IL15: variants seen among roughly 807,000 people sequenced by gnomAD.
The protein encoded by IL15 is interleukin-15.
A neutral mutation model predicts 19.6 loss-of-function variants in IL15; 11 were observed. That is an observed-to-expected ratio of 0.56 (90% CI 0.35 to 0.93). IL15 has a LOEUF of 0.93. Ranked by LOEUF, IL15 falls within the 40% of genes least tolerant of loss-of-function variation. The pLI, the probability that IL15 is intolerant of heterozygous loss-of-function variation, is 0.01. For synonymous variants in IL15, 58 were observed against 59.6 expected (o/e 0.97, Z 0.12); for missense variants, 197 against 186.5 (o/e 1.06, Z -0.33).
At chr4:141,708,013 T>G (rs1729582405) in intron 2 of IL15, among the ~76,000 whole-genome samples, 1 of 152,134 alleles carries the variant, frequency 6.6e-6, no homozygotes, top group African/African-American at 2.4e-5. Context: ...TCGGGCTGCA[T>G]GTGAATGTTT....
chr4:141,662,839 G>A (rs1341999970), intron 2 of IL15, among the ~76,000 whole-genome samples: 1 of 151,902 alleles, frequency 6.6e-6, no homozygotes, highest in Admixed American at 6.6e-5. Flanking sequence ...AGAGATAATT[G>A]CAGTTTGATT....
chr4:141,693,046 A>G (rs3113912), intron 2 of IL15, among the ~76,000 whole-genome samples: 15 of 148,882 alleles, frequency 1.0e-4, no homozygotes, highest in Non-Finnish European at 7.4e-5. Flanking sequence ...AAAAAAAGAT[A>G]CTACCTGTGG....
intron 2 of IL15, among the ~76,000 whole-genome samples, chr4:141,659,289 G>A (rs1407951414): frequency 6.6e-6 from 1 of 150,694 alleles, no homozygotes; most frequent in Non-Finnish European, 1.5e-5. Flanking sequence ...TGCAACCTTT[G>A]CCCCTTGGGT....
intron 7 of IL15, 52 bp from the exon 8 acceptor site, chr4:141,732,686 A>G (rs1408728322): frequency 1.9e-6 from 3 of 1,591,970 alleles, no homozygotes; most frequent in Non-Finnish European, 2.6e-6. Context: ...CCATGAATGT[A>G]TATTTAATTT....
chr4:141,647,420 T>C (rs1170280312), intron 1 of IL15, among the ~76,000 whole-genome samples: 1 of 152,028 alleles, frequency 6.6e-6, no homozygotes, highest in Non-Finnish European at 1.5e-5. Context: ...GGATAAGCTA[T>C]TTGTACAAGA....
Position 141,732,878 on chromosome 4 carries a change from G to A in IL15, c.*30G>A, listed in dbSNP as rs552584965. On this transcript the variant is annotated 3_prime_UTR_variant, in exon 8 of 8. Coordinates refer to ENST00000320650, the MANE Select transcript of IL15 (RefSeq NM_000585.5). ...AATTGATTCTTTTTAAAGTGTTTCT[G>A]TTATTAACAAACATCACTCTGCTGC... 10 of 1,595,230 alleles carry A rather than the reference G, an allele frequency of 6.3e-6. No homozygotes were observed. The South Asian group carries it at 9.2e-5, about 15-fold the overall frequency.
intron 2 of IL15, among the ~76,000 whole-genome samples, chr4:141,703,221 T>A (rs1433018738): frequency 6.6e-6 from 1 of 152,188 alleles, no homozygotes; most frequent in Non-Finnish European, 1.5e-5. Context: ...ACATCCCTCC[T>A]CCTCTCGTCT....
chr4:141,690,218 C>T (rs1728864675), intron 2 of IL15, among the ~76,000 whole-genome samples: 1 of 152,168 alleles, frequency 6.6e-6, no homozygotes, highest in Admixed American at 6.5e-5. Context: ...GCACGCAGGC[C>T]CGGTTCCCGC....
intron 2 of IL15, among the ~76,000 whole-genome samples, chr4:141,680,892 G>A (rs1728509369): frequency 6.6e-6 from 1 of 152,086 alleles, no homozygotes; most frequent in Non-Finnish European, 1.5e-5. Flanking sequence ...TCCCACCAAG[G>A]AGTCCTCAAT....
chr4:141,729,766 C>A, intron 6 of IL15, 81 bp from the exon 7 acceptor site: 1 of 780,438 alleles, frequency 1.3e-6, no homozygotes, highest in Non-Finnish European at 2.1e-6. Context: ...TTTGGATTGA[C>A]TTTTTGAAAA....
chr4:141,699,196 TG>T (rs1045474027), intron 2 of IL15, among the ~76,000 whole-genome samples: 9 of 152,204 alleles, frequency 5.9e-5, no homozygotes, highest in Non-Finnish European at 1.3e-4. Flanking sequence ...AGAAGATACT[TG>T]ATATGATTTT....
At chr4:141,686,824 A>G (rs1298956186) in intron 2 of IL15, among the ~76,000 whole-genome samples, 1 of 152,150 alleles carries the variant, frequency 6.6e-6, no homozygotes, top group African/African-American at 2.4e-5. Flanking sequence ...ATCAAATATT[A>G]TTGTTACTAG....
intron 5 of IL15, among the ~76,000 whole-genome samples, chr4:141,724,860 A>G (rs1285086037): frequency 6.6e-6 from 1 of 152,166 alleles, no homozygotes; most frequent in Admixed American, 6.5e-5. Flanking sequence ...GAATCATTCT[A>G]TCAAATATTT....
intron 2 of IL15, among the ~76,000 whole-genome samples, chr4:141,676,543 A>C (rs1018555444): frequency 6.6e-6 from 1 of 152,204 alleles, no homozygotes; most frequent in Non-Finnish European, 1.5e-5. Flanking sequence ...ATGGTACTTT[A>C]TGGAAGGGAT....
chr4:141,648,989 A>G (rs112571859), intron 1 of IL15, among the ~76,000 whole-genome samples: 1 of 152,146 alleles, frequency 6.6e-6, no homozygotes, highest in Non-Finnish European at 1.5e-5. Context: ...CTCTTTAGGA[A>G]CTTATTGTCT....
chr4:141,649,170 C>T (rs1727325983), intron 1 of IL15, among the ~76,000 whole-genome samples: 1 of 152,050 alleles, frequency 6.6e-6, no homozygotes, highest in South Asian at 2.1e-4. Flanking sequence ...TCTCCTGACT[C>T]GCCTGGTCCA....
intron 2 of IL15, among the ~76,000 whole-genome samples, chr4:141,665,368 C>T (rs893915436): frequency 3.9e-5 from 6 of 152,040 alleles, no homozygotes; most frequent in Non-Finnish European, 7.4e-5. Context: ...AAGCATAAAA[C>T]ATTTCAAAGG....
chr4:141,662,937 A>G (rs1360786418), intron 2 of IL15, among the ~76,000 whole-genome samples: 1 of 152,192 alleles, frequency 6.6e-6, no homozygotes, highest in Non-Finnish European at 1.5e-5. Flanking sequence ...AATTTCACAA[A>G]AAAACTATTT....
chr4:141,703,036 A>G (rs1560927976), intron 2 of IL15, among the ~76,000 whole-genome samples: 1 of 152,116 alleles, frequency 6.6e-6, no homozygotes, highest in Non-Finnish European at 1.5e-5. Context: ...GGGAGTGGGG[A>G]GTAGCCGGCA....
Sources: allele counts gnomAD v4.1 joint callset (sites outside exome capture counted in the v4.1 genomes callset), GRCh38; gene constraint gnomAD v4.1.1; transcripts MANE v1.5; gene names NCBI Gene and HGNC (gene_info 2026-07-23, HGNC 2026-07-21).